Variants in EYS observed in about 807,000 individuals in gnomAD.
EYS encodes protein eyes shut homolog.
A neutral mutation model predicts 282.1 loss-of-function variants in EYS; 250 were observed. That is an observed-to-expected ratio of 0.89 (90% CI 0.80 to 0.98). The LOEUF is 0.98. Among genes scored for constraint, EYS ranks in the 50% least tolerant of loss-of-function variants. The pLI, the probability that EYS is intolerant of heterozygous loss-of-function variation, is 0.00. For missense variants in EYS, 4,016 were observed against 3,709.0 expected (o/e 1.08, Z -2.15); for synonymous variants, 1,355 against 1,282.9 (o/e 1.06, Z -1.20).
At chr6:63,874,392 C>T (rs1772906370) in intron 35 of EYS, among the ~76,000 whole-genome samples, 1 of 152,178 alleles carries the variant, frequency 6.6e-6, no homozygotes, top group African/African-American at 2.4e-5. Context: ...GTTTTTGTTA[C>T]CATAGCCTTG....
chr6:64,623,771 G>T (rs1046145225), intron 23 of EYS, among the ~76,000 whole-genome samples: 1 of 151,984 alleles, frequency 6.6e-6, no homozygotes, highest in African/African-American at 2.4e-5. Context: ...CTGTGAGGGT[G>T]GTTACACAAC....
At chr6:64,771,011 A>G (rs1240974827) in intron 22 of EYS, among the ~76,000 whole-genome samples, 3 of 151,682 alleles carry the variant, frequency 2.0e-5, no homozygotes, top group Admixed American at 6.6e-5. Flanking sequence ...TCTGTTTGAA[A>G]TTTCCTTGAT....
chr6:65,159,563 A>G (rs779026688), intron 12 of EYS, among the ~76,000 whole-genome samples: 26 of 150,756 alleles, frequency 1.7e-4, no homozygotes, highest in Admixed American at 4.0e-4. Flanking sequence ...GTTTTCAGTT[A>G]CCAGTAACCT....
intron 35 of EYS, among the ~76,000 whole-genome samples, chr6:63,885,213 G>A (rs1328506921): frequency 6.6e-6 from 1 of 152,160 alleles, no homozygotes; most frequent in Non-Finnish European, 1.5e-5. Context: ...TAATCTCATA[G>A]CATTAGGGTA....
At chr6:65,626,277 A>C (rs1301960998) in intron 2 of EYS, among the ~76,000 whole-genome samples, 2 of 152,146 alleles carry the variant, frequency 1.3e-5, no homozygotes, top group African/African-American at 4.8e-5. Context: ...CATCAAATTC[A>C]TTTCTGGCTC....
intron 42 of EYS, among the ~76,000 whole-genome samples, chr6:63,722,282 A>G (rs1037928022): frequency 6.6e-6 from 1 of 152,068 alleles, no homozygotes; most frequent in African/African-American, 2.4e-5. Context: ...GTTTTCTAGG[A>G]ACACTCCGCC....
chr6:65,661,053 A>G (rs1054343264), intron 1 of EYS, among the ~76,000 whole-genome samples: 1 of 151,928 alleles, frequency 6.6e-6, no homozygotes. Flanking sequence ...AACTCGGTCT[A>G]TAAGTGGTAG....
At chr6:63,964,403 A>G (rs577478878) in intron 35 of EYS, among the ~76,000 whole-genome samples, 49 of 152,344 alleles carry the variant, frequency 3.2e-4, no homozygotes, top group African/African-American at 1.2e-3. Flanking sequence ...ATTCCACAAT[A>G]AAAAAGATTT....
intron 12 of EYS, among the ~76,000 whole-genome samples, chr6:65,105,332 T>C (rs74560311): frequency 0.036 from 5,522 of 151,794 alleles, 348 homozygotes; most frequent in African/African-American, 0.13. Flanking sequence ...CAAAATTATA[T>C]TGAGGAATAA....
At chr6:65,395,309 C>T (rs757449030) in intron 7 of EYS, among the ~76,000 whole-genome samples, 11 of 152,168 alleles carry the variant, frequency 7.2e-5, no homozygotes, top group Non-Finnish European at 1.0e-4. Context: ...GTGATCCTCC[C>T]GTCTCAGCCT....
At chr6:64,489,609 TCA>T (rs1480201377) in intron 26 of EYS, among the ~76,000 whole-genome samples, 1 of 149,026 alleles carries the variant, frequency 6.7e-6, no homozygotes, top group African/African-American at 2.4e-5. Flanking sequence ...TATAAAATAT[TCA>T]GTTTTAATAT....
chr6:64,424,317 A>G (rs1342360317), intron 28 of EYS, among the ~76,000 whole-genome samples: 3 of 152,232 alleles, frequency 2.0e-5, no homozygotes, highest in African/African-American at 7.2e-5. Context: ...AAGATATTTG[A>G]GAAAGAAGGA....
intron 2 of EYS, among the ~76,000 whole-genome samples, chr6:65,566,273 C>A (rs1057309077): frequency 2.6e-5 from 4 of 151,940 alleles, no homozygotes; most frequent in Admixed American, 2.6e-4. Flanking sequence ...AGAGAGCATG[C>A]CTGTAACTTC....
chr6:65,512,571 G>C lies in EYS; in HGVS notation c.-332-16578C>G, dbSNP rs182078034. ...GCTTCTTCACAAATGTAAAAGAACA[G>C]AAATTATAACAAACTGTCTCTCAGA... On this transcript the variant is annotated intron_variant, in intron 2 of 42. Coordinates refer to ENST00000503581, the MANE Select transcript of EYS (RefSeq NM_001142800.2). 6.4e-3 allele frequency among the ~76,000 whole-genome samples: 956 copies of C among 149,284 alleles called. 13 individuals carry two copies. The highest frequency in any genetic ancestry group is 0.022 in the African/African-American group (914 of 40,782).
intron 35 of EYS, among the ~76,000 whole-genome samples, chr6:63,966,410 G>A (rs1766311352): frequency 6.6e-6 from 1 of 152,154 alleles, no homozygotes; most frequent in South Asian, 2.1e-4. Flanking sequence ...ATGGTGCAGT[G>A]TATACTGCTC....
At chr6:65,329,913 A>G (rs1488445592) in intron 11 of EYS, 1 of 979,532 alleles carries the variant, frequency 1.0e-6, no homozygotes, top group Non-Finnish European at 1.2e-6. Context: ...ACTTTGAAAC[A>G]GAACTCTTAC....
intron 30 of EYS, among the ~76,000 whole-genome samples, chr6:64,296,022 CCA>C (rs1224408487): frequency 6.6e-6 from 1 of 152,022 alleles, no homozygotes; most frequent in African/African-American, 2.4e-5. Context: ...AGTAAAAGAT[CCA>C]TTCAAAATGC....
intron 22 of EYS, among the ~76,000 whole-genome samples, chr6:64,661,669 A>G (rs1769027300): frequency 6.8e-6 from 1 of 146,654 alleles, no homozygotes; most frequent in Admixed American, 6.9e-5. Flanking sequence ...AATGCAAATC[A>G]AAACCACAAT....
At chr6:64,872,599 C>T (rs913929594) in intron 19 of EYS, among the ~76,000 whole-genome samples, 2 of 151,946 alleles carry the variant, frequency 1.3e-5, no homozygotes, top group African/African-American at 4.8e-5. Context: ...AGTTGACTCC[C>T]CTGTGTTTAG....
Sources: allele counts gnomAD v4.1 joint callset (sites outside exome capture counted in the v4.1 genomes callset), GRCh38; gene constraint gnomAD v4.1.1; transcripts MANE v1.5; gene names NCBI Gene and HGNC (gene_info 2026-07-23, HGNC 2026-07-21).